The following KAZN variants were observed in gnomAD, a reference collection of about 807,000 sequenced individuals.
The protein encoded by KAZN is kazrin, periplakin interacting protein.
In KAZN, 40 loss-of-function variants were observed where a neutral mutation model predicts 87.4. The observed-to-expected ratio is 0.46, with a 90% CI of 0.36 to 0.60. KAZN has a LOEUF of 0.60. KAZN is among the 20% of genes least tolerant of loss of function. The probability of loss-of-function intolerance (pLI) is 0.00; values close to 1 mark genes in which losing one functional copy is unlikely to be tolerated. For synonymous variants in KAZN, 466 were observed against 458.3 expected (o/e 1.02, Z -0.22); for missense variants, 898 against 1,073.9 (o/e 0.84, Z 2.29).
intron 1 of KAZN, among the ~76,000 whole-genome samples, chr1:14,898,114 C>T (rs890793462): frequency 6.6e-6 from 1 of 152,194 alleles, no homozygotes; most frequent in Non-Finnish European, 1.5e-5. Context: ...CACAGGTGAG[C>T]ACAGTTATAA....
At chr1:14,678,744 T>C (rs1256613290) in intron 1 of KAZN, among the ~76,000 whole-genome samples, 1 of 152,178 alleles carries the variant, frequency 6.6e-6, no homozygotes, top group African/African-American at 2.4e-5. Flanking sequence ...CCACCTTTAC[T>C]CAGCAAGCCT....
chr1:14,204,909 T>C (rs1646708398), intron 2 of KAZN, among the ~76,000 whole-genome samples: 1 of 152,240 alleles, frequency 6.6e-6, no homozygotes, highest in Non-Finnish European at 1.5e-5. Flanking sequence ...CTAACTGCTG[T>C]CAGAGATAAA....
chr1:14,038,542 T>C (rs946333549), intron 1 of KAZN, among the ~76,000 whole-genome samples: 3 of 152,128 alleles, frequency 2.0e-5, no homozygotes, highest in Non-Finnish European at 4.4e-5. Context: ...TCCTTTTCAA[T>C]ATACCTTTCA....
chr1:14,660,541 C>A (rs868533600), intron 1 of KAZN, among the ~76,000 whole-genome samples: 4 of 76,034 alleles, frequency 5.3e-5, no homozygotes, highest in East Asian at 4.6e-4. Context: ...CTCTCTCTCT[C>A]TTTTTTTTTT....
At chr1:14,740,608 T>C (rs1188286494) in intron 1 of KAZN, among the ~76,000 whole-genome samples, 5 of 152,080 alleles carry the variant, frequency 3.3e-5, no homozygotes, top group African/African-American at 1.2e-4. Context: ...ATAGCTCCTG[T>C]CTCCTTGGCG....
intron 1 of KAZN, among the ~76,000 whole-genome samples, chr1:13,916,639 G>C (rs1001278470): frequency 5.3e-5 from 8 of 152,218 alleles, no homozygotes; most frequent in Non-Finnish European, 8.8e-5. Flanking sequence ...ACAACACAGA[G>C]CATGTTGTGA....
At chr1:14,694,320 C>T (rs940081110) in intron 1 of KAZN, among the ~76,000 whole-genome samples, 8 of 152,098 alleles carry the variant, frequency 5.3e-5, no homozygotes, top group African/African-American at 1.7e-4. Context: ...GTTGGAATGT[C>T]GAGAAAAGGA....
At chr1:14,396,856 T>C (rs78576546) in intron 2 of KAZN, among the ~76,000 whole-genome samples, 353 of 152,138 alleles carry the variant, frequency 2.3e-3, no homozygotes, top group Middle Eastern at 6.8e-3. Flanking sequence ...TTCTCTAATG[T>C]CAGCCATCTT....
intron 1 of KAZN, among the ~76,000 whole-genome samples, chr1:14,080,666 A>T (rs1643639767): frequency 6.6e-6 from 1 of 152,238 alleles, no homozygotes; most frequent in Admixed American, 6.5e-5. Flanking sequence ...CATGCGGTTG[A>T]TGCTGGCGTG....
intron 2 of KAZN, among the ~76,000 whole-genome samples, chr1:14,260,883 G>A (rs751036274): frequency 3.3e-5 from 5 of 152,192 alleles, no homozygotes; most frequent in Non-Finnish European, 5.9e-5. Context: ...TGAGGAGTTG[G>A]AATTGAAATG....
chr1:14,909,950 G>A (rs144651753), intron 1 of KAZN, among the ~76,000 whole-genome samples: 38 of 152,296 alleles, frequency 2.5e-4, no homozygotes, highest in African/African-American at 8.4e-4. Context: ...CTACTCGGGA[G>A]GCTGAGACAA....
At chr1:14,882,811 T>A (rs74587742) in intron 1 of KAZN, among the ~76,000 whole-genome samples, 26 of 152,204 alleles carry the variant, frequency 1.7e-4, no homozygotes, top group African/African-American at 6.0e-4. Flanking sequence ...CATGGATTAT[T>A]TCATTTAAGT....
At chr1:13,943,064 G>A (rs1290996508) in intron 1 of KAZN, among the ~76,000 whole-genome samples, 1 of 152,144 alleles carries the variant, frequency 6.6e-6, no homozygotes, top group Non-Finnish European at 1.5e-5. Context: ...AGAGATACTG[G>A]CCAAGATTTT....
intron 1 of KAZN, among the ~76,000 whole-genome samples, chr1:14,063,275 T>C (rs1165515130): frequency 1.3e-5 from 2 of 152,168 alleles, no homozygotes; most frequent in African/African-American, 4.8e-5. Context: ...AAAACTTGAA[T>C]TGGTTGAGTA....
Position 15,110,505 on chromosome 1 carries a change from ATT to A in KAZN, c.2049-1920_2049-1919del, listed in dbSNP as rs1388103644. Reference sequence around the variant, plus strand: ...TTTGTGTGTGTATGTATGTGTGTGTATTTGTGTGTTTGTGTGTATGTGTTTGT... The same window carrying A: ...TTTGTGTGTGTATGTATGTGTGTGTATGTGTGTTTGTGTGTATGTGTTTGT... On this transcript the variant is annotated intron_variant, in intron 13 of 14. Coordinates refer to ENST00000376030, the MANE Select transcript of KAZN (RefSeq NM_201628.3). Among the ~76,000 whole-genome samples the A allele has an allele frequency of 4.6e-4, 7 of 15,096 alleles. No individual in the cohort carries two copies. The South Asian group carries it at 0.02, about 44-fold the overall frequency. The allele number at this position is 15,096 out of a possible 152,430, so 9.9% of individuals were successfully genotyped here. A position where few individuals can be genotyped will look rare whatever the true frequency, so the allele number is the denominator to read the frequency against.
At chr1:14,731,148 A>G (rs1404721564) in intron 1 of KAZN, among the ~76,000 whole-genome samples, 1 of 151,062 alleles carries the variant, frequency 6.6e-6, no homozygotes, top group African/African-American at 2.4e-5. Context: ...ACATTTTACA[A>G]TACCATCATG....
chr1:13,987,179 T>C (rs1260599776), intron 1 of KAZN, among the ~76,000 whole-genome samples: 1 of 152,086 alleles, frequency 6.6e-6, no homozygotes, highest in Non-Finnish European at 1.5e-5. Context: ...TAACTTTAAG[T>C]TCTGGGATAC....
At chr1:14,652,023 A>T (rs946930364) in intron 1 of KAZN, among the ~76,000 whole-genome samples, 6 of 152,224 alleles carry the variant, frequency 3.9e-5, no homozygotes, top group African/African-American at 1.4e-4. Flanking sequence ...ATTCCTACAG[A>T]ACAGGACATT....
intron 2 of KAZN, among the ~76,000 whole-genome samples, chr1:14,967,911 TTA>T (rs763356231): frequency 1.8e-4 from 27 of 152,160 alleles, no homozygotes; most frequent in Non-Finnish European, 3.7e-4. Flanking sequence ...TTAATTTGTA[TTA>T]TGTTAGGCCA....
Sources: gnomAD v4.1 joint callset for allele counts (sites outside exome capture counted in the v4.1 genomes callset) on GRCh38, gnomAD v4.1.1 for gene constraint, MANE v1.5 for transcripts, NCBI Gene and HGNC (gene_info 2026-07-23, HGNC 2026-07-21) for gene names.